Variants in NUDT19 observed in about 807,000 individuals in gnomAD.
NUDT19 encodes the protein acyl-coenzyme A diphosphatase NUDT19.
Under a neutral mutation model 22.2 loss-of-function variants are expected in NUDT19, and 31 were observed. The ratio of observed to expected loss-of-function variants is 1.40; its 90% CI spans 1.05 to 1.89. The LOEUF (loss-of-function observed/expected upper bound fraction) is 1.89. Ranked by LOEUF, NUDT19 falls within the 40% of genes most tolerant of loss-of-function variation. The pLI is 0.00. For synonymous variants in NUDT19, 325 were observed against 230.8 expected (o/e 1.41, Z -3.70); for missense variants, 752 against 514.2 (o/e 1.46, Z -4.47).
intron 1 of NUDT19, among the ~76,000 whole-genome samples, chr19:32,701,814 T>C (rs1968339130): frequency 6.6e-6 from 1 of 152,218 alleles, no homozygotes; most frequent in African/African-American, 2.4e-5. Context: ...TTCATGTTAG[T>C]ATATTTTTCT....
chr19:32,710,198 G>A (rs12977148), intron 2 of NUDT19, among the ~76,000 whole-genome samples: 37,600 of 150,642 alleles, frequency 0.25, 4,981 homozygotes, highest in Middle Eastern at 0.31. Flanking sequence ...ATTATTAGTA[G>A]AGACAGGGTT....
In NUDT19 at chr19:32,691,886, G is replaced by A. The variant is rs1420943836; in HGVS notation, c.-75G>A. ...TTCCCGCGAGGCCCCCGGAGGTGCT[G>A]GGGTCCCTGCAGGGCCGGGCCACCT... On this transcript the variant is annotated 5_prime_UTR_variant, in exon 1 of 3. Coordinates refer to ENST00000397061, the MANE Select transcript of NUDT19 (RefSeq NM_001105570.2). 12 of 833,968 alleles carry A rather than the reference G, an allele frequency of 1.4e-5. No homozygotes were observed. Among genetic ancestry groups the A allele is most frequent in the South Asian group, 6.2e-5 (1 of 16,226 alleles). 51.7% of individuals were successfully genotyped at this position (833,968 alleles called of 1,614,324 possible).
intron 1 of NUDT19, among the ~76,000 whole-genome samples, chr19:32,695,656 C>A (rs1417437868): frequency 2.6e-5 from 4 of 152,192 alleles, no homozygotes; most frequent in Non-Finnish European, 4.4e-5. Context: ...CCTTCTCCTT[C>A]CCCTTTTTGA....
intron 1 of NUDT19, among the ~76,000 whole-genome samples, chr19:32,697,763 A>C (rs976012568): frequency 9.2e-5 from 14 of 152,170 alleles, no homozygotes; most frequent in African/African-American, 3.1e-4. Context: ...CACTAGCATG[A>C]CATCTCTCCA....
At position 32,692,563 on chromosome 19, in the gene NUDT19, C is replaced by T. The variant is rs774104074; in HGVS notation, c.603C>T (p.Leu201=). The change falls in exon 1 of 3, where the codon CTC becomes CTT. Residue 201 remains leucine, a synonymous_variant. Transcript: ENST00000397061. ...IWALHNWSAW[L]TPFLRGTTRR... is the part of the protein sequence containing the mutation. ...CGCTGCACAACTGGAGCGCCTGGCTCACCCCTTTCTTGCGGGGCACCACTC... is the reference window on the plus strand; with the variant it reads ...CGCTGCACAACTGGAGCGCCTGGCTTACCCCTTTCTTGCGGGGCACCACTC... 6.9e-6 allele frequency: 11 copies of T among 1,597,756 alleles called. No individual in the cohort carries two copies. In the South Asian group the frequency reaches 1.1e-4, roughly 16 times the overall value.
Position 32,692,327 on chromosome 19 carries a change from G to C in NUDT19, c.367G>C (p.Ala123Pro), listed in dbSNP as rs1334566547. The C allele has an allele frequency of 1.9e-6, 3 of 1,592,518 alleles. No individual in the cohort carries two copies. The Admixed American group carries it at 5.0e-5, about 27-fold the overall frequency. ...DNTGTLPEDV[A>P]FRICAVREAF... is the part of the protein sequence containing the mutation. ...CACTGGGACGCTGCCTGAGGACGTA[G>C]CCTTCCGCATCTGCGCCGTGCGGGA... Residue 123 changes from alanine to proline, a missense_variant, in exon 1 of 3, where the codon GCC (alanine) becomes CCC (proline). Coordinates refer to ENST00000397061, the MANE Select transcript of NUDT19 (RefSeq NM_001105570.2).
At chr19:32,705,630 G>A (rs1461165908) in intron 1 of NUDT19, among the ~76,000 whole-genome samples, 1 of 150,752 alleles carries the variant, frequency 6.6e-6, no homozygotes, top group African/African-American at 2.4e-5. Context: ...TGCCACCCAG[G>A]CTGGAGTGCA....
In NUDT19 at chr19:32,709,269, C is replaced by G; in HGVS notation, c.799C>G (p.Leu267Val). The G allele has an allele frequency of 6.2e-7, 1 of 1,614,042 alleles. No individual in the cohort carries two copies. The highest frequency in any genetic ancestry group is 1.3e-5 in the African/African-American group (1 of 75,048). The change falls in exon 2 of 3, where the codon CTT becomes GTT. Residue 267 changes from leucine to valine, a missense_variant. Coordinates refer to ENST00000397061, the MANE Select transcript of NUDT19 (RefSeq NM_001105570.2). ...CCCACAGTTCTACGAAGTGAGAAGA[C>G]TTGCAAACTTTGCCTCTCTCTCTGA... ...PPPQFYEVRRLANFASLSDLH... is the reference protein window; with the variant it reads ...PPPQFYEVRRVANFASLSDLH...
In NUDT19 at chr19:32,692,060, T is replaced by C. The variant is rs1232892412; in HGVS notation, c.100T>C (p.Ser34Pro). 2.3e-6 allele frequency: 3 copies of C among 1,292,336 alleles called. No homozygotes were observed. Among genetic ancestry groups the C allele is most frequent in the Non-Finnish European group, 2.9e-6 (3 of 1,024,740 alleles). The allele number at this position is 1,292,336 out of a possible 1,614,324, so 80.1% of individuals were successfully genotyped here. A position where few individuals can be genotyped will look rare whatever the true frequency, so the allele number is the denominator to read the frequency against. Reference sequence around the variant, plus strand: ...GCGCCCGGAGACCGCCACCCCGCCGTCGCGCCCGCCGCCGGCCGAGGGCTT... The same window carrying C: ...GCGCCCGGAGACCGCCACCCCGCCGCCGCGCCCGCCGCCGGCCGAGGGCTT... The part of the protein sequence containing the change: ...WSRPETATPP[S>P]RPPPAEGFRL... Residue 34 changes from serine (S) to proline (P), a missense_variant, in exon 1 of 3, where the codon TCG becomes CCG. Ser to Pro is a moderately conservative substitution (Grantham distance 74, BLOSUM62 -1). Coordinates refer to ENST00000397061, the MANE Select transcript of NUDT19 (RefSeq NM_001105570.2).
chr19:32,693,400 T>C (rs1968225913), intron 1 of NUDT19, among the ~76,000 whole-genome samples: 1 of 152,206 alleles, frequency 6.6e-6, no homozygotes, highest in Non-Finnish European at 1.5e-5. Flanking sequence ...GGAGCGAAGC[T>C]GCAGACATTT....
intron 2 of NUDT19, among the ~76,000 whole-genome samples, chr19:32,710,829 G>A (rs978411103): frequency 1.1e-4 from 16 of 151,812 alleles, no homozygotes; most frequent in Admixed American, 9.8e-4. Flanking sequence ...GGAGGCAGAG[G>A]TTGTGGTGAG....
rs1255115401 is a variant in NUDT19, at chr19:32,711,927, G to C, written c.1098G>C (p.Lys366Asn). Residue 366 changes from lysine to asparagine, a missense_variant, in exon 3 of 3, where the codon AAG becomes AAC. Physicochemically the swap from Lys to Asn is moderately conservative, Grantham distance 94 (BLOSUM62 0). Transcript: ENST00000397061. The stretch of plus-strand genomic sequence containing the variant: ...CAAAGTATAAACACGTTTATCCTAA[G>C]AACTCTGTAGTAAGAAAAAGCCATT... ...VQPKYKHVYP[K>N]NSVVRKSHL is the part of the protein sequence containing the mutation. 1 of 1,613,888 alleles carries C rather than the reference G, an allele frequency of 6.2e-7. No individual in the cohort carries two copies. The highest frequency in any genetic ancestry group is 1.1e-5 in the South Asian group (1 of 91,064).
chr19:32,707,352 T>C (rs546732131), intron 1 of NUDT19, among the ~76,000 whole-genome samples: 11 of 152,292 alleles, frequency 7.2e-5, no homozygotes, highest in African/African-American at 2.6e-4. Context: ...ACTGAACTCA[T>C]AGATTGCTGG....
At chr19:32,694,068 A>C (rs1231002668) in intron 1 of NUDT19, among the ~76,000 whole-genome samples, 1 of 152,130 alleles carries the variant, frequency 6.6e-6, no homozygotes, top group Non-Finnish European at 1.5e-5. Flanking sequence ...CGTTTGTAAG[A>C]CCATCTGTAG....
Position 32,707,852 on chromosome 19 carries a change from C to T in NUDT19, c.715-1333C>T, listed in dbSNP as rs367928889. On this transcript the variant is annotated intron_variant, in intron 1 of 2. Coordinates refer to ENST00000397061, the MANE Select transcript of NUDT19 (RefSeq NM_001105570.2). The stretch of plus-strand genomic sequence containing the variant: ...AATTAGCCGGGCGTGGTGGCAGGCA[C>T]CTGTAGTCCCAGCTACTCGGGAGGC... Among the ~76,000 whole-genome samples the T allele has an allele frequency of 2.0e-4, 30 of 151,862 alleles. No individual in the cohort carries two copies. The South Asian group carries it at 6.0e-3, about 31-fold the overall frequency.
At position 32,711,916 on chromosome 19, in the gene NUDT19, G is replaced by T. The variant is rs753294436; in HGVS notation, c.1087G>T (p.Val363Phe). The T allele has an allele frequency of 6.2e-7, 1 of 1,613,792 alleles. No homozygotes were observed. The highest frequency in any genetic ancestry group is 1.7e-5 in the Admixed American group (1 of 59,968). Residue 363 changes from valine (V) to phenylalanine (F), a missense_variant, in exon 3 of 3, where the codon GTT becomes TTT. Val to Phe is a conservative substitution (Grantham distance 50, BLOSUM62 -1). Transcript: ENST00000397061. ...HVTVQPKYKHVYPKNSVVRKS... is the reference protein window; with the variant it reads ...HVTVQPKYKHFYPKNSVVRKS... ...GACTGTTCAGCCAAAGTATAAACAC[G>T]TTTATCCTAAGAACTCTGTAGTAAG...
intron 1 of NUDT19, among the ~76,000 whole-genome samples, chr19:32,703,355 A>G (rs1477160843): frequency 6.6e-6 from 1 of 151,654 alleles, no homozygotes; most frequent in African/African-American, 2.4e-5. Context: ...CATATTTACT[A>G]TTTTTTTATT....
At chr19:32,699,686 G>A (rs574008564) in intron 1 of NUDT19, among the ~76,000 whole-genome samples, 11 of 152,294 alleles carry the variant, frequency 7.2e-5, no homozygotes, top group Middle Eastern at 3.4e-3. Context: ...GGCACTCACC[G>A]CTTAGTGATA....
At position 32,692,443 on chromosome 19, in the gene NUDT19, G is replaced by C; in HGVS notation, c.483G>C (p.Pro161=). The C allele has an allele frequency of 6.5e-7, 1 of 1,544,884 alleles. No individual in the cohort carries two copies. Among genetic ancestry groups the C allele is most frequent in the South Asian group, 1.2e-5 (1 of 85,702 alleles). ...APGPGLALEP[P]PGLASWRDRV... ...GGCCTGGCCTCGCCCTGGAGCCACC[G>C]CCGGGCCTGGCCTCCTGGCGCGACC... The change falls in exon 1 of 3, where the codon CCG becomes CCC. Residue 161 remains proline (P), a synonymous_variant. Coordinates refer to ENST00000397061, the MANE Select transcript of NUDT19 (RefSeq NM_001105570.2).
Sources: gnomAD v4.1 joint callset for allele counts (sites outside exome capture counted in the v4.1 genomes callset) on GRCh38, gnomAD v4.1.1 for gene constraint, MANE v1.5 for transcripts, NCBI Gene and HGNC (gene_info 2026-07-23, HGNC 2026-07-21) for gene names.